RAB30: variants seen among roughly 807,000 people sequenced by gnomAD.
The protein encoded by RAB30 is RAB30, member RAS oncogene family, also known as ras-related protein Rab-30.
In RAB30, 9 loss-of-function variants were observed where a neutral mutation model predicts 25.1. The ratio of observed to expected loss-of-function variants is 0.36; its 90% CI spans 0.22 to 0.63. The LOEUF (loss-of-function observed/expected upper bound fraction) is 0.63. RAB30 is among the 20% of genes least tolerant of loss of function. The probability of loss-of-function intolerance (pLI) is 0.69; values close to 1 mark genes in which losing one functional copy is unlikely to be tolerated. For missense variants in RAB30, 140 were observed against 243.5 expected (o/e 0.58, Z 2.83); for synonymous variants, 77 against 86.4 (o/e 0.89, Z 0.60).
At chr11:83,034,601 TTCTGCCAAAGCTC>T (rs1857947822) in intron 1 of RAB30, 1 of 152,178 alleles carries the variant, frequency 6.6e-6, no homozygotes, top group Non-Finnish European at 1.5e-5. Context: ...AAGTCTTTCC[TTCTGCCAAAGCTC>T]TCTGCCCACA....
chr11:83,069,608 C>T (rs1293349784), intron 1 of RAB30, among the ~76,000 whole-genome samples: 1 of 152,024 alleles, frequency 6.6e-6, no homozygotes, highest in Non-Finnish European at 1.5e-5. Flanking sequence ...AGCCTTCCCA[C>T]CACCAGCTGC....
At chr11:83,062,546 G>A (rs61902288) in intron 1 of RAB30, among the ~76,000 whole-genome samples, 1,925 of 152,278 alleles carry the variant, frequency 0.013, 18 homozygotes, top group South Asian at 0.032. Context: ...AAAGGCCACT[G>A]GAGTTAAAGG....
chr11:83,016,440 T>G (rs970912058), intron 1 of RAB30, among the ~76,000 whole-genome samples: 11 of 152,182 alleles, frequency 7.2e-5, no homozygotes, highest in African/African-American at 2.7e-4. Flanking sequence ...TTATGGGAAT[T>G]TGGGAAGGTT....
At position 83,071,876 on chromosome 11, in the gene RAB30, G is replaced by A. The variant is rs536248609; in HGVS notation, c.-194C>T. ...AATCGCAAGCCCAGCAGCAGCAGGGGGTGGAGAGACCGTAGCACAATGAAT... is the reference window on the plus strand; with the variant it reads ...AATCGCAAGCCCAGCAGCAGCAGGGAGTGGAGAGACCGTAGCACAATGAAT... On this transcript the variant is annotated 5_prime_UTR_variant, in exon 1 of 5. Transcript: ENST00000527633. 4.7e-5 allele frequency: 18 copies of A among 384,018 alleles called. No homozygotes were observed. Among genetic ancestry groups the A allele is most frequent in the South Asian group, 1.4e-4 (1 of 6,908 alleles). 23.8% of individuals were successfully genotyped at this position (384,018 alleles called of 1,614,324 possible).
intron 1 of RAB30, among the ~76,000 whole-genome samples, chr11:83,012,626 C>T (rs796646095): frequency 6.6e-5 from 10 of 152,234 alleles, no homozygotes; most frequent in African/African-American, 2.4e-4. Context: ...AATAACAGTA[C>T]TTACCCCATA....
At chr11:83,044,222 C>A (rs546004788) in intron 1 of RAB30, among the ~76,000 whole-genome samples, 2 of 152,286 alleles carry the variant, frequency 1.3e-5, no homozygotes, top group Admixed American at 6.5e-5. Flanking sequence ...TTCATCTCTA[C>A]CCCCTGAAAA....
intron 1 of RAB30, among the ~76,000 whole-genome samples, chr11:83,016,912 C>G (rs1394692213): frequency 7.2e-5 from 11 of 152,116 alleles, no homozygotes; most frequent in Non-Finnish European, 1.6e-4. Flanking sequence ...TGGCTGGGGT[C>G]CTACTAGCTG....
rs1483766370 is a variant in RAB30 at position 82,978,715 on chromosome 11, A to G, written c.*3450T>C. 6.6e-6 allele frequency: 1 copy of G among 152,192 alleles called. No individual in the cohort carries two copies. The highest frequency in any genetic ancestry group is 2.4e-5 in the African/African-American group (1 of 41,450). The allele number at this position is 152,192 out of a possible 1,614,324, so 9.4% of individuals were successfully genotyped here. A position where few individuals can be genotyped will look rare whatever the true frequency, so the allele number is the denominator to read the frequency against. On this transcript the variant is annotated 3_prime_UTR_variant, in exon 5 of 5. Transcript: ENST00000527633. Reference sequence around the variant, plus strand: ...TCATTGGCCTAATTCTGTGGGAATCACCAGTGTCCTCCCAAGGCATATATT... The same window carrying G: ...TCATTGGCCTAATTCTGTGGGAATCGCCAGTGTCCTCCCAAGGCATATATT...
chr11:83,038,210 G>A (rs1858029008), intron 1 of RAB30, among the ~76,000 whole-genome samples: 1 of 151,996 alleles, frequency 6.6e-6, no homozygotes, highest in Non-Finnish European at 1.5e-5. Flanking sequence ...TCTCCAACAG[G>A]GCAGAACTCC....
chr11:83,057,419 C>T (rs1351013132), intron 1 of RAB30, among the ~76,000 whole-genome samples: 1 of 152,164 alleles, frequency 6.6e-6, no homozygotes, highest in African/African-American at 2.4e-5. Flanking sequence ...AGGCCAGAAA[C>T]ATTCTTTCCA....
chr11:83,031,010 G>C (rs931769434), intron 1 of RAB30, among the ~76,000 whole-genome samples: 2 of 152,202 alleles, frequency 1.3e-5, no homozygotes, highest in African/African-American at 2.4e-5. Flanking sequence ...AGGAGAATAG[G>C]ACACGTAGCA....
chr11:82,978,967 AT>A lies in RAB30; in HGVS notation c.*3197del, dbSNP rs751263221. The A allele has an allele frequency of 4.6e-5, 7 of 152,216 alleles. No homozygotes were observed. The highest frequency in any genetic ancestry group is 1.0e-4 in the Non-Finnish European group (7 of 68,018). The allele number at this position is 152,216 out of a possible 1,614,324, so 9.4% of individuals were successfully genotyped here. ...CAGGGAGAGATAAAAACGTGAAATG[AT>A]TAAAAGACCGAGAAAAAGAAAGGCC... On this transcript the variant is annotated 3_prime_UTR_variant, in exon 5 of 5. Coordinates refer to ENST00000527633, the MANE Select transcript of RAB30 (RefSeq NM_001286060.2).
At chr11:83,023,525 G>T (rs1344225) in intron 1 of RAB30, among the ~76,000 whole-genome samples, 1 of 151,908 alleles carries the variant, frequency 6.6e-6, no homozygotes, top group Non-Finnish European at 1.5e-5. Flanking sequence ...TGCTACTGCC[G>T]TGGGTCAGAC....
intron 3 of RAB30, among the ~76,000 whole-genome samples, chr11:82,988,261 G>A (rs1856780175): frequency 6.6e-6 from 1 of 152,126 alleles, no homozygotes; most frequent in Non-Finnish European, 1.5e-5. Flanking sequence ...AATTCAACCA[G>A]GCATTGTGGT....
rs143176699 is a variant in RAB30, at chr11:82,982,288, G to A, written c.489C>T (p.Phe163=). ...TGATGAGTCGGCATGCTAAGTCAAG[G>A]AAGAGTTTCTCCACATTATCAGATT... ...AKESDNVEKL[F]LDLACRLISE... is the part of the protein sequence containing the mutation. The change falls in exon 5 of 5, where the codon TTC becomes TTT. Residue 163 remains phenylalanine (F), a synonymous_variant. Coordinates refer to ENST00000527633, the MANE Select transcript of RAB30 (RefSeq NM_001286060.2). The A allele has an allele frequency of 6.8e-5, 110 of 1,614,118 alleles. No homozygotes were observed. The highest frequency in any genetic ancestry group is 1.2e-4 in the Admixed American group (7 of 60,012).
rs1856636440 is a variant in RAB30 at position 82,981,445 on chromosome 11, ATG to A, written c.*718_*719del. On this transcript the variant is annotated 3_prime_UTR_variant, in exon 5 of 5. Coordinates refer to ENST00000527633, the MANE Select transcript of RAB30 (RefSeq NM_001286060.2). ...AGACTTTGAGAAAGAGTGCTGATTC[ATG>A]GACTTCCCCCATTTTTTTATTTCTA... The A allele has an allele frequency of 6.6e-6, 1 of 152,628 alleles. No individual in the cohort carries two copies. The highest frequency in any genetic ancestry group is 2.4e-5 in the African/African-American group (1 of 41,444). The allele number at this position is 152,628 out of a possible 1,614,324, so 9.5% of individuals were successfully genotyped here. A position where few individuals can be genotyped will look rare whatever the true frequency, so the allele number is the denominator to read the frequency against.
intron 1 of RAB30, among the ~76,000 whole-genome samples, chr11:83,056,656 A>G (rs1858465174): frequency 1.3e-5 from 2 of 152,206 alleles, no homozygotes; most frequent in African/African-American, 4.8e-5. Context: ...TCCAGCAGAA[A>G]AATCACACAG....
At chr11:83,009,527 TG>T (rs1857259726) in intron 1 of RAB30, among the ~76,000 whole-genome samples, 2 of 152,038 alleles carry the variant, frequency 1.3e-5, no homozygotes, top group Non-Finnish European at 2.9e-5. Context: ...AGATGGAACC[TG>T]AGGGAAATCC....
At chr11:83,010,174 G>C (rs1422834056) in intron 1 of RAB30, among the ~76,000 whole-genome samples, 2 of 152,218 alleles carry the variant, frequency 1.3e-5, no homozygotes, top group African/African-American at 4.8e-5. Flanking sequence ...ACTTGGACTG[G>C]GCGTGGTGGC....
Sources: gnomAD v4.1 joint callset for allele counts (sites outside exome capture counted in the v4.1 genomes callset) on GRCh38, gnomAD v4.1.1 for gene constraint, MANE v1.5 for transcripts, NCBI Gene and HGNC (gene_info 2026-07-23, HGNC 2026-07-21) for gene names.